Variants in DCHS1 observed in about 807,000 individuals in gnomAD.
DCHS1 encodes protocadherin-16.
Under a neutral mutation model 213.9 loss-of-function variants are expected in DCHS1, and 78 were observed. The observed-to-expected ratio is 0.36, with a 90% confidence interval of 0.30 to 0.44. The LOEUF (loss-of-function observed/expected upper bound fraction) is 0.44. Among genes scored for constraint, DCHS1 ranks in the 20% least tolerant of loss-of-function variants. The pLI, the probability that DCHS1 is intolerant of heterozygous loss-of-function variation, is 1.00. For missense variants in DCHS1, 3,946 were observed against 4,395.9 expected, an observed-to-expected ratio of 0.90 and a Z score of 2.89; for synonymous variants, 1,828 against 1,873.7, an observed-to-expected ratio of 0.98 and a Z score of 0.63.
In DCHS1 at chr11:6,641,993, ACTCC is replaced by A. The variant is rs1231550669; in HGVS notation, c.-120-264_-120-261del. On this transcript the variant is annotated intron_variant, in intron 1 of 20. Coordinates refer to ENST00000299441, the MANE Select transcript of DCHS1 (RefSeq NM_003737.4). This position sits in a 1 kb window ranked among gnomAD's most constrained non-coding sequence, Gnocchi z 7.1. ...TTTTTTCGGGTCTGAATGCCCACAA[ACTCC>A]CTTCTTCCTATTTCTAGGCTTAAAA... Among the ~76,000 whole-genome samples, 1 of 150,806 alleles carries A rather than the reference ACTCC, an allele frequency of 6.6e-6. No homozygotes were observed. Among genetic ancestry groups the A allele is most frequent in the African/African-American group, 2.4e-5 (1 of 40,848 alleles).
rs1251820065 is a variant in DCHS1, at chr11:6,621,613, T to C, written c.*166A>G. The C allele has an allele frequency of 2.3e-5, 18 of 791,704 alleles. No individual in the cohort carries two copies. Among genetic ancestry groups the C allele is most frequent in the Non-Finnish European group, 3.4e-5 (16 of 467,518 alleles). The allele number at this position is 791,704 out of a possible 1,614,324, so 49.0% of individuals were successfully genotyped here. A position where few individuals can be genotyped will look rare whatever the true frequency, so the allele number is the denominator to read the frequency against. On this transcript the variant is annotated 3_prime_UTR_variant, in exon 21 of 21. Coordinates refer to ENST00000299441, the MANE Select transcript of DCHS1 (RefSeq NM_003737.4). The stretch of plus-strand genomic sequence containing the variant: ...TCAGTGAGCAACAGGGCTTCTGTGG[T>C]CCTAGTACTCTGAGGGGGCTGGGGA...
rs773446156 is a variant in DCHS1 at position 6,632,951 on chromosome 11, C to T, written c.2561G>A (p.Arg854Gln). 9 of 1,613,928 alleles carry T rather than the reference C, an allele frequency of 5.6e-6. No homozygotes were observed. Among genetic ancestry groups the T allele is most frequent in the African/African-American group, 1.3e-5 (1 of 74,928 alleles). ...GLLQTLRPLD[R>Q]ELLGPVLELE... is the part of the protein sequence containing the mutation. The stretch of plus-strand genomic sequence containing the variant: ...CTCCAACACTGGTCCCAGTAGCTCC[C>T]GGTCCAGAGGGCGAAGTGTTTGCAA... The change falls in exon 6 of 21, where the codon CGG becomes CAG. Residue 854 changes from arginine (R) to glutamine (Q), a missense_variant. By Grantham distance (43) the Arg-to-Gln change is conservative. Around this residue, in one of 3 missense-constraint regions of DCHS1, gnomAD observed 3,384 missense variants for 3,780.1 expected, o/e 0.90. Coordinates refer to ENST00000299441, the MANE Select transcript of DCHS1 (RefSeq NM_003737.4). The surrounding 1 kb of genome is among the most constrained non-coding windows in gnomAD (Gnocchi z 5.9).
Position 6,623,926 on chromosome 11 carries a change from A to T in DCHS1, c.7750T>A (p.Ser2584Thr). 1 of 1,607,286 alleles carries T rather than the reference A, an allele frequency of 6.2e-7. No homozygotes were observed. The highest frequency in any genetic ancestry group is 8.5e-7 in the Non-Finnish European group (1 of 1,174,996). ...AADRGQPPQS[S>T]VVPVTVTVLD... ...ACAGTGACAGTGACTGGCACGACTG[A>T]GCTTTGGGGTGGCTGCCCACGGTCA... The change falls in exon 21 of 21, where the codon TCA (serine) becomes ACA (threonine). Residue 2584 changes from serine to threonine, a missense_variant. By Grantham distance (58) the Ser-to-Thr change is moderately conservative (BLOSUM62 1). Around this residue, in one of 3 missense-constraint regions of DCHS1, gnomAD observed 3,384 missense variants for 3,780.1 expected, o/e 0.90. Coordinates refer to ENST00000299441, the MANE Select transcript of DCHS1 (RefSeq NM_003737.4).
chr11:6,637,929 C>T (rs1021551424), intron 2 of DCHS1, among the ~76,000 whole-genome samples: 6 of 152,100 alleles, frequency 3.9e-5, no homozygotes, highest in Non-Finnish European at 8.8e-5. Flanking sequence ...CTTCTTGTGA[C>T]AGTTGTAAAC....
rs1484779724 is a variant in DCHS1 at position 6,655,684 on chromosome 11, G to C, written c.-242C>G. ...CGCATCGTCCGCAGTCGCTGTCTCC[G>C]AGGCCCGCGATCCCCTCCGGGCAGC... On this transcript the variant is annotated 5_prime_UTR_variant, in exon 1 of 21. Coordinates refer to ENST00000299441, the MANE Select transcript of DCHS1 (RefSeq NM_003737.4). 1.0e-5 allele frequency: 10 copies of C among 978,396 alleles called. No homozygotes were observed. Among genetic ancestry groups the C allele is most frequent in the Admixed American group, 6.4e-5 (1 of 15,712 alleles). 60.6% of individuals were successfully genotyped at this position (978,396 alleles called of 1,614,324 possible).
intron 2 of DCHS1, among the ~76,000 whole-genome samples, chr11:6,638,077 CAAG>C (rs1042538870): frequency 3.3e-5 from 5 of 152,052 alleles, no homozygotes; most frequent in African/African-American, 9.7e-5. Context: ...TGGTCCTGGA[CAAG>C]AAGGAGAGTA....
At position 6,632,723 on chromosome 11, in the gene DCHS1, G is replaced by A; in HGVS notation, c.2789C>T (p.Thr930Ile). 1 of 1,604,580 alleles carries A rather than the reference G, an allele frequency of 6.2e-7. No homozygotes were observed. Among genetic ancestry groups the A allele is most frequent in the Non-Finnish European group, 8.5e-7 (1 of 1,175,390 alleles). ...DPDSGVNSRV[T>I]FTLLAGGGGA... ...ACCACCCCCAGCAAGCAGGGTAAAG[G>A]TGACTCGACTGTTAACACCTGAGTC... is the stretch of plus-strand genomic sequence containing the variant. Residue 930 changes from threonine to isoleucine, a missense_variant, in exon 6 of 21, where the codon ACC (threonine) becomes ATC (isoleucine). Physicochemically the swap from Thr to Ile is moderately conservative, Grantham distance 89. Coordinates refer to ENST00000299441, the MANE Select transcript of DCHS1 (RefSeq NM_003737.4). This position sits in a 1 kb window ranked among gnomAD's most constrained non-coding sequence, Gnocchi z 5.9.
rs2134621934 is a variant in DCHS1, at chr11:6,628,706, C to T, written c.5286G>A (p.Glu1762=). The change falls in exon 13 of 21, where the codon GAG becomes GAA. Residue 1762 remains glutamate, a synonymous_variant. Transcript: ENST00000299441. The surrounding 1 kb of genome is among the most constrained non-coding windows in gnomAD (Gnocchi z 4.3). ...TGGTAAGGGTCTGGGGGTCCTGGCC[C>T]TCAGGCACCTCCAGAGAGAGATGGG... ...GSAHLSLEVP[E]GQDPQTLTML... is the part of the protein sequence containing the mutation. 1.9e-6 allele frequency: 3 copies of T among 1,613,998 alleles called. No homozygotes were observed. Among genetic ancestry groups the T allele is most frequent in the East Asian group, 4.5e-5 (2 of 44,886 alleles).
rs780186883 is a variant in DCHS1 at position 6,629,987 on chromosome 11, CCTAA to C, written c.4795+8_4795+11del. 19 of 1,579,620 alleles carry C rather than the reference CCTAA, an allele frequency of 1.2e-5. No homozygotes were observed. The highest frequency in any genetic ancestry group is 2.3e-5 in the East Asian group (1 of 44,426). The stretch of plus-strand genomic sequence containing the variant: ...CACCTTCCTCGCCCTCACTCCCAGA[CCTAA>C]CTCTCACCAGTGCTTGAGTGCAGCC... On this transcript the variant is annotated splice_region_variant and intron_variant, in intron 10 of 20. Transcript: ENST00000299441.
In DCHS1 at chr11:6,621,941, C is replaced by G. The variant is rs371058396; in HGVS notation, c.9735G>C (p.Leu3245=). 1 of 1,613,244 alleles carries G rather than the reference C, an allele frequency of 6.2e-7. No individual in the cohort carries two copies. The highest frequency in any genetic ancestry group is 8.5e-7 in the Non-Finnish European group (1 of 1,179,696). Residue 3245 remains leucine (L), a synonymous_variant, in exon 21 of 21, where the codon CTG becomes CTC. Transcript: ENST00000299441. ...HRSPISHEGS[L]SSAAMSPSFS... ...AGCTGGGGGACATGGCAGCTGAGGA[C>G]AGGGAGCCTTCATGGCTGATGGGGG...
At position 6,623,662 on chromosome 11, in the gene DCHS1, G is replaced by A; in HGVS notation, c.8014C>T (p.Arg2672Ter). 5 of 1,613,804 alleles carry A rather than the reference G, an allele frequency of 3.1e-6. No homozygotes were observed. The highest frequency in any genetic ancestry group is 4.2e-6 in the Non-Finnish European group (5 of 1,179,892). The change falls in exon 21 of 21, where the codon CGA becomes TGA. Residue 2672 changes from arginine to a stop codon, truncating the protein, a stop_gained. Transcript: ENST00000299441. LOFTEE classifies it high-confidence loss of function. ...GCAGCCTGTACTACAAGCTGATGTC[G>A]AGCCTGGGTCTCACAGTCCAGGGCA... ...AHALDCETQA[R>*]HQLVVQAADP... is the part of the protein sequence containing the mutation.
chr11:6,623,665 C>G lies in DCHS1; in HGVS notation c.8011G>C (p.Ala2671Pro), dbSNP rs765740149. The G allele has an allele frequency of 6.2e-7, 1 of 1,613,824 alleles. No individual in the cohort carries two copies. Among genetic ancestry groups the G allele is most frequent in the Non-Finnish European group, 8.5e-7 (1 of 1,179,886 alleles). ...LAHALDCETQ[A>P]RHQLVVQAAD... ...GCCTGTACTACAAGCTGATGTCGAG[C>G]CTGGGTCTCACAGTCCAGGGCATGG... The change falls in exon 21 of 21, where the codon GCT (alanine) becomes CCT (proline). Residue 2671 changes from alanine to proline, a missense_variant. Coordinates refer to ENST00000299441, the MANE Select transcript of DCHS1 (RefSeq NM_003737.4).
chr11:6,623,119 C>G lies in DCHS1; in HGVS notation c.8557G>C (p.Ala2853Pro). Residue 2853 changes from alanine to proline, a missense_variant, in exon 21 of 21, where the codon GCC (alanine) becomes CCC (proline). Physicochemically the swap from Ala to Pro is conservative, Grantham distance 27. Around this residue, in one of 3 missense-constraint regions of DCHS1, gnomAD observed 8 missense variants for 25.5 expected, o/e 0.31. Transcript: ENST00000299441. ...ATACCAAAATAGGGGGAAGAGGTGG[C>G]AAGGGAATACAGAACCAGGCCATCG... ...GADGLVLYSLATSSPYFGINQ... is the reference protein window; with the variant it reads ...GADGLVLYSLPTSSPYFGINQ... The G allele has an allele frequency of 6.2e-7, 1 of 1,606,986 alleles. No individual in the cohort carries two copies. The highest frequency in any genetic ancestry group is 1.1e-5 in the South Asian group (1 of 89,816).
At chr11:6,647,149 A>G (rs1856171618) in intron 1 of DCHS1, among the ~76,000 whole-genome samples, 1 of 152,182 alleles carries the variant, frequency 6.6e-6, no homozygotes, top group African/African-American at 2.4e-5. Flanking sequence ...TCAGTGAGCA[A>G]AGGGGTGAGG....
Position 6,630,875 on chromosome 11 carries a change from CG to C in DCHS1, c.3931-13del. On this transcript the variant is annotated splice_polypyrimidine_tract_variant and intron_variant, in intron 9 of 20. Coordinates refer to ENST00000299441, the MANE Select transcript of DCHS1 (RefSeq NM_003737.4). ...GCTGAGGGAAGCACCTGTTGTGGAC[CG>C]GGGAGGGAGAACAGAATTGTGAGGG... The C allele has an allele frequency of 2.0e-6, 3 of 1,508,802 alleles. No individual in the cohort carries two copies. Among genetic ancestry groups the C allele is most frequent in the Admixed American group, 2.2e-5 (1 of 45,270 alleles). The allele number at this position is 1,508,802 out of a possible 1,614,324, so 93.5% of individuals were successfully genotyped here.
chr11:6,653,089 T>C (rs1040764573), intron 1 of DCHS1, among the ~76,000 whole-genome samples: 7 of 152,198 alleles, frequency 4.6e-5, no homozygotes, highest in African/African-American at 9.7e-5. Context: ...TTGGGTTAAA[T>C]GAATTTCTTT....
chr11:6,646,115 C>T (rs1009103870), intron 1 of DCHS1, among the ~76,000 whole-genome samples: 2 of 152,000 alleles, frequency 1.3e-5, no homozygotes, highest in African/African-American at 2.4e-5. Flanking sequence ...GATATGCCCC[C>T]ACATACACAC....
rs776561316 is a variant in DCHS1, at chr11:6,631,709, T to C, written c.3582A>G (p.Thr1194=). 6.2e-7 allele frequency: 1 copy of C among 1,610,570 alleles called. No homozygotes were observed. ...CAAGCACTGCAACATGCACAGTGCC[T>C]GTGGTGCTGCGGGGTGGGCTCCCTC... The part of the protein sequence containing the change: ...QDGGSPPRST[T]GTVHVAVLDL... The change falls in exon 7 of 21, where the codon ACA becomes ACG. Residue 1194 remains threonine, a synonymous_variant. Coordinates refer to ENST00000299441, the MANE Select transcript of DCHS1 (RefSeq NM_003737.4).
rs1281547175 is a variant in DCHS1, at chr11:6,631,211, C to G, written c.3773-1G>C. On this transcript the variant is annotated splice_acceptor_variant, in intron 8 of 20. Coordinates refer to ENST00000299441, the MANE Select transcript of DCHS1 (RefSeq NM_003737.4). LOFTEE classifies it high-confidence loss of function. ...AGAGAGAAAAGCTCTGAGCCAGGAC[C>G]TGGGGACAGGCAGAGGAAGATGAGG... 6.2e-7 allele frequency: 1 copy of G among 1,611,898 alleles called. No individual in the cohort carries two copies.
Sources: gnomAD v4.1 joint callset for allele counts (sites outside exome capture counted in the v4.1 genomes callset) on GRCh38, gnomAD v4.1.1 for gene constraint, gnomAD v4.1.1 regional missense constraint, Gnocchi (gnomAD v3.1) non-coding constraint, MANE v1.5 for transcripts, NCBI Gene and HGNC (gene_info 2026-07-23, HGNC 2026-07-21) for gene names.